THAP10: variants seen among roughly 807,000 people sequenced by gnomAD.
The protein encoded by THAP10 is THAP domain containing 10.
A neutral mutation model predicts 15.7 loss-of-function variants in THAP10; 10 were observed. The ratio of observed to expected loss-of-function variants is 0.64; its 90% confidence interval spans 0.39 to 1.08. The LOEUF is 1.08. THAP10 is among the 50% of genes least tolerant of loss of function. The probability of loss-of-function intolerance (pLI) is 0.01; values close to 1 mark genes in which losing one functional copy is unlikely to be tolerated. For synonymous variants in THAP10, 127 were observed against 129.1 expected, an observed-to-expected ratio of 0.98 and a Z score of 0.11; for missense variants, 310 against 330.9, an observed-to-expected ratio of 0.94 and a Z score of 0.49.
intron 1 of THAP10, among the ~76,000 whole-genome samples, chr15:70,887,163 T>A (rs1211328625): frequency 6.6e-6 from 1 of 152,156 alleles, no homozygotes; most frequent in Non-Finnish European, 1.5e-5. Flanking sequence ...ACTCCTGTCT[T>A]ATCAATGAGT....
intron 1 of THAP10, among the ~76,000 whole-genome samples, chr15:70,888,621 GACT>G (rs529941924): frequency 3.7e-4 from 56 of 152,176 alleles, no homozygotes; most frequent in Non-Finnish European, 7.5e-4. Context: ...TGGTAATTTG[GACT>G]ACATCAGAAT....
chr15:70,888,830 T>C (rs1054288180), intron 1 of THAP10, among the ~76,000 whole-genome samples: 4 of 152,188 alleles, frequency 2.6e-5, no homozygotes, highest in African/African-American at 9.6e-5. Flanking sequence ...GCTACCTAAA[T>C]ATCCAATTAA....
rs553026947 is a variant in THAP10, at chr15:70,882,594, T to C, written c.634A>G (p.Thr212Ala). The C allele has an allele frequency of 8.7e-6, 14 of 1,614,064 alleles. No homozygotes were observed. The Admixed American group carries it at 1.8e-4, about 21-fold the overall frequency. ...GAAGTTCTAGACCACAATTCCTCTGTCTGAGTAGTTGCATTACACAGTCTT... is the reference window on the plus strand; with the variant it reads ...GAAGTTCTAGACCACAATTCCTCTGCCTGAGTAGTTGCATTACACAGTCTT... ...GKRLCNATTQ[T>A]EELWSRTSSL... The change falls in exon 3 of 3, where the codon ACA becomes GCA. Residue 212 changes from threonine to alanine, a missense_variant. Thr to Ala is a moderately conservative substitution (Grantham distance 58). Transcript: ENST00000249861.
intron 1 of THAP10, among the ~76,000 whole-genome samples, chr15:70,883,121 GTC>G (rs2033309222): frequency 6.6e-6 from 1 of 151,882 alleles, no homozygotes; most frequent in African/African-American, 2.4e-5. Flanking sequence ...ATGAATTCTG[GTC>G]AGCCAGAATG....
Position 70,882,849 on chromosome 15 carries a change from A to G in THAP10, c.489T>C (p.Thr163=), listed in dbSNP as rs770125720. The change falls in exon 2 of 3, where the codon ACT becomes ACC. Residue 163 remains threonine (T), a synonymous_variant. Coordinates refer to ENST00000249861, the MANE Select transcript of THAP10 (RefSeq NM_020147.4). ...TQPHADNPSN[T]VTSVPTHCEE... ...CACAGTGAGTAGGTACTGAAGTGACAGTATTAGATGGATTATCAGCATGGG... is the reference window on the plus strand; with the variant it reads ...CACAGTGAGTAGGTACTGAAGTGACGGTATTAGATGGATTATCAGCATGGG... The G allele has an allele frequency of 6.2e-7, 1 of 1,614,160 alleles. No individual in the cohort carries two copies. Among genetic ancestry groups the G allele is most frequent in the Admixed American group, 1.7e-5 (1 of 60,028 alleles).
At position 70,882,780 on chromosome 15, in the gene THAP10, C is replaced by A; in HGVS notation, c.558G>T (p.Arg186Ser). The A allele has an allele frequency of 6.2e-7, 1 of 1,614,134 alleles. No homozygotes were observed. Among genetic ancestry groups the A allele is most frequent in the Non-Finnish European group, 8.5e-7 (1 of 1,180,006 alleles). The change falls in exon 2 of 3, where the codon AGG becomes AGT. Residue 186 changes from arginine to serine, a missense_variant. Coordinates refer to ENST00000249861, the MANE Select transcript of THAP10 (RefSeq NM_020147.4). ...VHKSTQISLKRPRHRSVGIQA... is the reference protein window; with the variant it reads ...VHKSTQISLKSPRHRSVGIQA... ...ACATACCCACACTACGGTGACGGGG[C>A]CTTTTCAAAGAAATTTGTGTACTTT...
rs556883594 is a variant in THAP10 at position 70,886,879 on chromosome 15, A to G, written c.430-3971T>C. On this transcript the variant is annotated intron_variant, in intron 1 of 2. Coordinates refer to ENST00000249861, the MANE Select transcript of THAP10 (RefSeq NM_020147.4). ...AGCCTCTGTCTAAAAAAGAAAAAAA[A>G]AAATCGATAAACCATCTGGTGAAGC... Among the ~76,000 whole-genome samples, 6 of 152,258 alleles carry G rather than the reference A, an allele frequency of 3.9e-5. No individual in the cohort carries two copies. In the East Asian group the frequency reaches 1.2e-3, roughly 29 times the overall value.
At chr15:70,887,054 A>G (rs2033429031) in intron 1 of THAP10, among the ~76,000 whole-genome samples, 1 of 152,196 alleles carries the variant, frequency 6.6e-6, no homozygotes, top group Admixed American at 6.5e-5. Context: ...AAAATGGATA[A>G]ACAAAATACT....
chr15:70,888,659 CATT>C (rs796973165), intron 1 of THAP10, among the ~76,000 whole-genome samples: 14 of 152,142 alleles, frequency 9.2e-5, no homozygotes, highest in African/African-American at 3.4e-4. Flanking sequence ...CATCAAAAGA[CATT>C]ATTAAGAACC....
chr15:70,883,264 T>C (rs566950692), intron 1 of THAP10, among the ~76,000 whole-genome samples: 3,989 of 152,206 alleles, frequency 0.026, 178 homozygotes, highest in African/African-American at 0.091. Flanking sequence ...CCATCTCGGC[T>C]CACTGCAATC....
In THAP10 at chr15:70,884,027, G is replaced by C. The variant is rs375602904; in HGVS notation, c.430-1119C>G. ...GAAGGAGGGTTTTGATATGTAAAAG[G>C]TAATATAAGACAGGGTACCTAGAGA... On this transcript the variant is annotated intron_variant, in intron 1 of 2. Coordinates refer to ENST00000249861, the MANE Select transcript of THAP10 (RefSeq NM_020147.4). Among the ~76,000 whole-genome samples, 26 of 152,188 alleles carry C rather than the reference G, an allele frequency of 1.7e-4. No homozygotes were observed. In the East Asian group the frequency reaches 2.9e-3, roughly 17 times the overall value.
chr15:70,882,402 T>G lies in THAP10; in HGVS notation c.*52A>C. 1 of 1,345,712 alleles carries G rather than the reference T, an allele frequency of 7.4e-7. No homozygotes were observed. The highest frequency in any genetic ancestry group is 2.3e-5 in the East Asian group (1 of 43,378). The allele number at this position is 1,345,712 out of a possible 1,614,324, so 83.4% of individuals were successfully genotyped here. On this transcript the variant is annotated 3_prime_UTR_variant, in exon 3 of 3. Coordinates refer to ENST00000249861, the MANE Select transcript of THAP10 (RefSeq NM_020147.4). ...TTACAATAGCAAAGAGATAATTATG[T>G]GAGTAAAGATTTGAAAATCTATAGC...
In THAP10 at chr15:70,882,187, T is replaced by C. The variant is rs1333914910; in HGVS notation, c.*267A>G. 1 of 337,826 alleles carries C rather than the reference T, an allele frequency of 3.0e-6. No homozygotes were observed. Among genetic ancestry groups the C allele is most frequent in the Non-Finnish European group, 5.3e-6 (1 of 186,920 alleles). The allele number at this position is 337,826 out of a possible 1,614,324, so 20.9% of individuals were successfully genotyped here. ...AATTTTGATTAGGAAGTGTTGCTGATATTGTGGTTTTGCTTTGTAACCTGA... is the reference window on the plus strand; with the variant it reads ...AATTTTGATTAGGAAGTGTTGCTGACATTGTGGTTTTGCTTTGTAACCTGA... On this transcript the variant is annotated 3_prime_UTR_variant, in exon 3 of 3. Transcript: ENST00000249861.
In THAP10 at chr15:70,881,723, G is replaced by A. The variant is rs989926856; in HGVS notation, c.*731C>T. 6.6e-6 allele frequency: 1 copy of A among 152,148 alleles called. No individual in the cohort carries two copies. Among genetic ancestry groups the A allele is most frequent in the Non-Finnish European group, 1.5e-5 (1 of 68,020 alleles). The allele number at this position is 152,148 out of a possible 1,614,324, so 9.4% of individuals were successfully genotyped here. A position where few individuals can be genotyped will look rare whatever the true frequency, so the allele number is the denominator to read the frequency against. ...CCTGCAATGGGAATACGTTAGAAAT[G>A]TAGTACTTTTATTTTTCATGATGTT... On this transcript the variant is annotated 3_prime_UTR_variant, in exon 3 of 3. Transcript: ENST00000249861.
rs913588779 is a variant in THAP10 at position 70,882,841 on chromosome 15, G to C, written c.497C>G (p.Ser166Ter). ...HADNPSNTVT[S>*]VPTHCEEGPV... ...GCCTTCTTCACAGTGAGTAGGTACT[G>C]AAGTGACAGTATTAGATGGATTATC... Residue 166 changes from serine to a stop codon, truncating the protein, a stop_gained, in exon 2 of 3, where the codon TCA becomes TGA. Transcript: ENST00000249861. LOFTEE classifies it high-confidence loss of function. The C allele has an allele frequency of 6.2e-7, 1 of 1,614,108 alleles. No individual in the cohort carries two copies. The highest frequency in any genetic ancestry group is 8.5e-7 in the Non-Finnish European group (1 of 1,179,966).
chr15:70,886,930 A>C (rs555750610), intron 1 of THAP10, among the ~76,000 whole-genome samples: 1 of 152,254 alleles, frequency 6.6e-6, no homozygotes, highest in South Asian at 2.1e-4. Flanking sequence ...GAAAAAGCAA[A>C]AATTACCTCA....
At chr15:70,891,491 C>A (rs2033560637) in intron 1 of THAP10, among the ~76,000 whole-genome samples, 2 of 151,888 alleles carry the variant, frequency 1.3e-5, no homozygotes, top group Non-Finnish European at 2.9e-5. Context: ...TGGAGATTTG[C>A]TCAAATTAAA....
chr15:70,889,594 A>G (rs1054652455), intron 1 of THAP10, among the ~76,000 whole-genome samples: 19 of 152,358 alleles, frequency 1.2e-4, no homozygotes, highest in African/African-American at 4.6e-4. Context: ...TGGGTTTTTT[A>G]AAAAAGAATG....
At chr15:70,884,851 A>C (rs897413771) in intron 1 of THAP10, among the ~76,000 whole-genome samples, 8 of 152,204 alleles carry the variant, frequency 5.3e-5, no homozygotes, top group African/African-American at 1.9e-4. Flanking sequence ...AAGCAAAAAG[A>C]AGCTAAAAAT....
Sources: gnomAD v4.1 joint callset for allele counts (sites outside exome capture counted in the v4.1 genomes callset) on GRCh38, gnomAD v4.1.1 for gene constraint, MANE v1.5 for transcripts, NCBI Gene and HGNC (gene_info 2026-07-23, HGNC 2026-07-21) for gene names.